The following CIBAR2 variants were observed in gnomAD, a reference collection of about 807,000 sequenced individuals.
The protein encoded by CIBAR2 is CBY1-interacting BAR domain-containing protein 2.
In CIBAR2, 38 loss-of-function variants were observed where a neutral mutation model predicts 36.2. That is an observed-to-expected ratio of 1.05 (90% CI 0.81 to 1.38). The LOEUF (loss-of-function observed/expected upper bound fraction) is 1.38. Ranked by LOEUF, CIBAR2 falls within the 40% of genes most tolerant of loss-of-function variation. The pLI, the probability that CIBAR2 is intolerant of heterozygous loss-of-function variation, is 0.00. For missense variants in CIBAR2, 481 were observed against 383.4 expected (o/e 1.25, Z -2.13); for synonymous variants, 182 against 149.5 (o/e 1.22, Z -1.58).
chr16:85,099,343 TTCCCTGC>T lies in CIBAR2; in HGVS notation c.754-4_756del. The T allele has an allele frequency of 6.5e-7, 1 of 1,528,212 alleles. No homozygotes were observed. The highest frequency in any genetic ancestry group is 9.1e-7 in the Non-Finnish European group (1 of 1,101,880). 94.7% of individuals were successfully genotyped at this position (1,528,212 alleles called of 1,614,324 possible). ...GCCCTACTCAGCTGGACCTGCAGAG[TTCCCTGC>T]AGAAATATAAATGCACCTGATGGCA... On this transcript the variant is annotated splice_acceptor_variant and splice_polypyrimidine_tract_variant and coding_sequence_variant and intron_variant, in exon 9 of 9. Transcript: ENST00000539556. LOFTEE classifies it high-confidence loss of function.
chr16:85,111,922 C>T (rs112547554), intron 1 of CIBAR2, among the ~76,000 whole-genome samples: 184 of 152,238 alleles, frequency 1.2e-3, no homozygotes, highest in Admixed American at 3.5e-3. Flanking sequence ...AGGAACCAGG[C>T]GTGGAAATGA....
rs1009906962 is a variant in CIBAR2 at position 85,098,419 on chromosome 16, C to G, written c.*766G>C. On this transcript the variant is annotated 3_prime_UTR_variant, in exon 9 of 9. Transcript: ENST00000539556. Reference sequence around the variant, plus strand: ...TGCCAGGCACAGCGATCCCCCAGAGCAACCTGTGAAGTGAGTGATATTGGC... The same window carrying G: ...TGCCAGGCACAGCGATCCCCCAGAGGAACCTGTGAAGTGAGTGATATTGGC... 5 of 516,038 alleles carry G rather than the reference C, an allele frequency of 9.7e-6. No homozygotes were observed. Among genetic ancestry groups the G allele is most frequent in the Non-Finnish European group, 1.2e-5 (5 of 400,732 alleles). The allele number at this position is 516,038 out of a possible 1,614,324, so 32.0% of individuals were successfully genotyped here. A position where few individuals can be genotyped will look rare whatever the true frequency, so the allele number is the denominator to read the frequency against.
chr16:85,101,917 C>T (rs536647397), intron 7 of CIBAR2, among the ~76,000 whole-genome samples: 152 of 152,284 alleles, frequency 1.0e-3, no homozygotes, highest in African/African-American at 3.6e-3. Context: ...ATCCGCCTAC[C>T]TCGGCCTCCC....
rs142295774 is a variant in CIBAR2 at position 85,111,546 on chromosome 16, G to A, written c.20+787C>T. Among the ~76,000 whole-genome samples the A allele has an allele frequency of 4.4e-3, 668 of 152,204 alleles. 4 individuals are homozygous for A. The highest frequency in any genetic ancestry group is 0.015 in the African/African-American group (631 of 41,534). On this transcript the variant is annotated intron_variant, in intron 1 of 8. Transcript: ENST00000539556. ...CCTGGGAGGGGGCCTGAGAAGCTGC[G>A]TTTTAAAAACACATCCAGGCTGGGC...
chr16:85,107,644 C>T, intron 5 of CIBAR2, 23 bp downstream of exon 5: 13 of 1,613,246 alleles, frequency 8.1e-6, no homozygotes, highest in Non-Finnish European at 1.0e-5. Context: ...TCTGCCTGCC[C>T]CAGACAGACA....
chr16:85,108,861 C>A (rs1175701657), intron 2 of CIBAR2, among the ~76,000 whole-genome samples: 1 of 152,078 alleles, frequency 6.6e-6, no homozygotes, highest in African/African-American at 2.4e-5. Context: ...GGCAACAGAG[C>A]GAGACTCCAT....
chr16:85,099,476 G>A (rs75533694), intron 8 of CIBAR2, 130 bp from the exon 9 acceptor site: 1 of 642,562 alleles, frequency 1.6e-6, no homozygotes, highest in Non-Finnish European at 2.8e-6. Context: ...CCCACGGGCT[G>A]GGATGGAGGT....
Position 85,112,448 on chromosome 16 carries a change from G to T in CIBAR2, c.-96C>A. 7.8e-7 allele frequency: 1 copy of T among 1,288,680 alleles called. No homozygotes were observed. The highest frequency in any genetic ancestry group is 1.1e-6 in the Non-Finnish European group (1 of 888,418). 79.8% of individuals were successfully genotyped at this position (1,288,680 alleles called of 1,614,324 possible). ...GAGGAGCCGGGCAGGGCTGGGTGCAGCTGTGTGGCCTGGGCTCAAGGGACG... is the reference window on the plus strand; with the variant it reads ...GAGGAGCCGGGCAGGGCTGGGTGCATCTGTGTGGCCTGGGCTCAAGGGACG... On this transcript the variant is annotated 5_prime_UTR_variant, in exon 1 of 9. In the 5' UTR this introduces an upstream ATG that the reference lacks. Transcript: ENST00000539556.
At chr16:85,111,135 C>T (rs1007498350) in intron 1 of CIBAR2, among the ~76,000 whole-genome samples, 11 of 152,262 alleles carry the variant, frequency 7.2e-5, no homozygotes, top group African/African-American at 1.9e-4. Context: ...ACGCCCTCTC[C>T]TTTCCCTCAT....
intron 1 of CIBAR2, among the ~76,000 whole-genome samples, chr16:85,110,861 T>C (rs767138583): frequency 6.6e-6 from 1 of 152,046 alleles, no homozygotes; most frequent in African/African-American, 2.4e-5. Context: ...CCTGCCACCA[T>C]GCCTGGCTAA....
intron 1 of CIBAR2, among the ~76,000 whole-genome samples, 177 bp from the exon 2 acceptor site, chr16:85,110,637 G>C (rs2074034818): frequency 1.3e-5 from 2 of 152,024 alleles, no homozygotes; most frequent in African/African-American, 2.4e-5. Flanking sequence ...AGGCTGATGA[G>C]GGGGATCTGC....
intron 2 of CIBAR2, 128 bp from the exon 3 acceptor site, chr16:85,108,227 G>T: frequency 1.2e-6 from 1 of 815,112 alleles, no homozygotes; most frequent in East Asian, 2.6e-5. Flanking sequence ...TGGAGCGCGA[G>T]GTGCCCTCCC....
chr16:85,098,829 T>C lies in CIBAR2; in HGVS notation c.*356A>G, dbSNP rs144547485. The C allele has an allele frequency of 1.3e-4, 30 of 226,596 alleles. No individual in the cohort carries two copies. In the East Asian group the frequency reaches 4.8e-3, roughly 37 times the overall value. The allele number at this position is 226,596 out of a possible 1,614,324, so 14.0% of individuals were successfully genotyped here. On this transcript the variant is annotated 3_prime_UTR_variant, in exon 9 of 9. Coordinates refer to ENST00000539556, the MANE Select transcript of CIBAR2 (RefSeq NM_198491.3). ...TACTCAGCACAGCCCTACACGGAGG[T>C]TACTGTTCTAAGCCACTCTGCAGGC...
chr16:85,112,224 A>ACCCCCC, intron 1 of CIBAR2, 109 bp downstream of exon 1: 3 of 955,112 alleles, frequency 3.1e-6, no homozygotes, highest in African/African-American at 1.6e-5. Context: ...CTCACCCCCA[A>ACCCCCC]CCCCCACCCC....
chr16:85,101,419 A>C (rs2073954357), intron 7 of CIBAR2, among the ~76,000 whole-genome samples: 1 of 152,154 alleles, frequency 6.6e-6, no homozygotes, highest in Non-Finnish European at 1.5e-5. Context: ...AATGGCAGCC[A>C]CATGAAGCCT....
chr16:85,107,364 C>G (rs1249076136), intron 5 of CIBAR2, among the ~76,000 whole-genome samples: 1 of 152,156 alleles, frequency 6.6e-6, no homozygotes, highest in African/African-American at 2.4e-5. Context: ...TCTGTGAGCC[C>G]TGGTTTCCTC....
At chr16:85,106,440 C>T (rs2073996393) in intron 5 of CIBAR2, among the ~76,000 whole-genome samples, 3 of 152,206 alleles carry the variant, frequency 2.0e-5, no homozygotes, top group African/African-American at 7.2e-5. Flanking sequence ...CCATCCTTGC[C>T]ATGGGAGATG....
intron 2 of CIBAR2, among the ~76,000 whole-genome samples, chr16:85,108,521 C>T (rs914292307): frequency 2.6e-5 from 4 of 152,220 alleles, no homozygotes; most frequent in African/African-American, 9.6e-5. Context: ...GTGGCGATGA[C>T]AAACCCACTT....
At position 85,098,394 on chromosome 16, in the gene CIBAR2, T is replaced by TG; in HGVS notation, c.*790dup. The TG allele has an allele frequency of 3.8e-6, 1 of 263,694 alleles. No individual in the cohort carries two copies. The highest frequency in any genetic ancestry group is 5.9e-6 in the Non-Finnish European group (1 of 169,854). 16.3% of individuals were successfully genotyped at this position (263,694 alleles called of 1,614,324 possible). A position where few individuals can be genotyped will look rare whatever the true frequency, so the allele number is the denominator to read the frequency against. ...GGGCATTTATTGAACACCTACTATA[T>TG]GCCAGGCACAGCGATCCCCCAGAGC... On this transcript the variant is annotated 3_prime_UTR_variant, in exon 9 of 9. Coordinates refer to ENST00000539556, the MANE Select transcript of CIBAR2 (RefSeq NM_198491.3).
Sources: allele counts gnomAD v4.1 joint callset (sites outside exome capture counted in the v4.1 genomes callset), GRCh38; gene constraint gnomAD v4.1.1; transcripts MANE v1.5; gene names NCBI Gene and HGNC (gene_info 2026-07-23, HGNC 2026-07-21).